MBNL1: variants seen among roughly 807,000 people sequenced by gnomAD.
The protein encoded by MBNL1 is muscleblind like splicing regulator 1, also known as muscleblind-like protein 1.
Under a neutral mutation model 42.2 loss-of-function variants are expected in MBNL1, and 8 were observed. The observed-to-expected ratio is 0.19, with a 90% CI of 0.11 to 0.34. MBNL1 has a LOEUF of 0.34. Among genes scored for constraint, MBNL1 ranks in the 10% least tolerant of loss-of-function variants. MBNL1 has a pLI of 1.00. For synonymous variants in MBNL1, 169 were observed against 173.9 expected, an observed-to-expected ratio of 0.97 and a Z score of 0.22; for missense variants, 309 against 495.3, an observed-to-expected ratio of 0.62 and a Z score of 3.57.
chr3:152,264,672 T>C (rs1249202463), upstream of MBNL1: 5 of 152,168 alleles, frequency 3.3e-5, no homozygotes, highest in African/African-American at 1.2e-4. Flanking sequence ...ATGCTAAAAT[T>C]CTATGATTTT....
intron 3 of MBNL1, among the ~76,000 whole-genome samples, chr3:152,419,456 C>T (rs1177834919): frequency 6.6e-6 from 1 of 152,140 alleles, no homozygotes; most frequent in African/African-American, 2.4e-5. Flanking sequence ...TGTCACCTCA[C>T]CCTGGAAGTG....
chr3:152,333,871 A>C (rs2087240088), intron 2 of MBNL1, among the ~76,000 whole-genome samples: 1 of 152,258 alleles, frequency 6.6e-6, no homozygotes, highest in Admixed American at 6.5e-5. Flanking sequence ...TTTTAATGAA[A>C]TAATTTAGAG....
At chr3:152,368,419 T>TA (rs1161135653) in intron 2 of MBNL1, among the ~76,000 whole-genome samples, 3 of 152,226 alleles carry the variant, frequency 2.0e-5, no homozygotes, top group Admixed American at 6.5e-5. Flanking sequence ...TGTAGCCTTG[T>TA]AGTACAGTTT....
chr3:152,378,938 A>G (rs953705769), intron 2 of MBNL1, among the ~76,000 whole-genome samples: 1 of 151,414 alleles, frequency 6.6e-6, no homozygotes, highest in African/African-American at 2.4e-5. Flanking sequence ...CTGGTCTCAC[A>G]CTCCTGGGCT....
intron 2 of MBNL1, among the ~76,000 whole-genome samples, chr3:152,301,187 G>A (rs1017412714): frequency 6.6e-6 from 1 of 152,094 alleles, no homozygotes; most frequent in Non-Finnish European, 1.5e-5. Context: ...ATTCAAAAAT[G>A]TCATTGGATT....
At chr3:152,340,645 A>G (rs2152822368) in intron 2 of MBNL1, 1 of 1,614,012 alleles carries the variant, frequency 6.2e-7, no homozygotes, top group Non-Finnish European at 8.5e-7. Context: ...ACAAGCGTAA[A>G]TGTTCCAGAG....
intron 4 of MBNL1, among the ~76,000 whole-genome samples, chr3:152,439,052 C>A (rs569015898): frequency 6.6e-6 from 1 of 152,150 alleles, no homozygotes; most frequent in Non-Finnish European, 1.5e-5. Context: ...GGTGGGCAAA[C>A]GACTTGGTTT....
intron 2 of MBNL1, among the ~76,000 whole-genome samples, chr3:152,249,643 T>C (rs2034138171): frequency 1.3e-5 from 2 of 151,238 alleles, no homozygotes; most frequent in African/African-American, 2.4e-5. Flanking sequence ...TTTGTCAATT[T>C]TGGCTTTTGT....
intron 4 of MBNL1, among the ~76,000 whole-genome samples, chr3:152,442,413 A>G (rs1457235847): frequency 6.6e-6 from 1 of 152,240 alleles, no homozygotes; most frequent in East Asian, 1.9e-4. Flanking sequence ...ATTATTTTTA[A>G]AAATGTGTGC....
At chr3:152,449,175 T>TTA (rs1716612067) in intron 6 of MBNL1, 2 of 152,344 alleles carry the variant, frequency 1.3e-5, no homozygotes, top group South Asian at 4.1e-4. Context: ...TTTCAAGGGA[T>TTA]TATATGTAAC....
chr3:152,369,874 T>C (rs568361393), intron 2 of MBNL1, among the ~76,000 whole-genome samples: 2 of 152,348 alleles, frequency 1.3e-5, no homozygotes, highest in East Asian at 3.9e-4. Flanking sequence ...TATCATTTTT[T>C]ATTGTGTCTA....
intron 2 of MBNL1, among the ~76,000 whole-genome samples, chr3:152,246,260 G>A (rs1044238302): frequency 6.6e-5 from 10 of 152,078 alleles, no homozygotes; most frequent in Non-Finnish European, 5.9e-5. Flanking sequence ...AGCCCAAGGA[G>A]ATTACAATAT....
At chr3:152,361,312 C>G (rs2095924036) in intron 2 of MBNL1, among the ~76,000 whole-genome samples, 1 of 151,580 alleles carries the variant, frequency 6.6e-6, no homozygotes, top group African/African-American at 2.4e-5. Context: ...CAGTGGAGTT[C>G]CCATGGTTCT....
At chr3:152,374,214 A>C (rs2096799800) in intron 2 of MBNL1, among the ~76,000 whole-genome samples, 1 of 152,234 alleles carries the variant, frequency 6.6e-6, no homozygotes, top group African/African-American at 2.4e-5. Context: ...ATTATTTGCA[A>C]ATCATCTACT....
intron 2 of MBNL1, among the ~76,000 whole-genome samples, chr3:152,377,317 C>G (rs2096952893): frequency 6.6e-6 from 1 of 152,174 alleles, no homozygotes; most frequent in Non-Finnish European, 1.5e-5. Context: ...GTCCTCTATA[C>G]TGTCTGCAGA....
At position 152,412,417 on chromosome 3, in the gene MBNL1, G is replaced by A. The variant is rs142724853; in HGVS notation, c.175-2524G>A. ...CTCAAACCTGTGGTCACAGCTCTCTGTGGGAGAGTCTTGGTAGTCTGTATA... is the reference window on the plus strand; with the variant it reads ...CTCAAACCTGTGGTCACAGCTCTCTATGGGAGAGTCTTGGTAGTCTGTATA... On this transcript the variant is annotated intron_variant, in intron 2 of 9. Transcript: ENST00000324210. Among the ~76,000 whole-genome samples, 603 of 152,228 alleles carry A rather than the reference G, an allele frequency of 4.0e-3. 4 individuals are homozygous for A. Among genetic ancestry groups the A allele is most frequent in the African/African-American group, 0.014 (566 of 41,542 alleles).
chr3:152,269,387 G>C (rs1173706154), intron 1 of MBNL1: 3 of 364,704 alleles, frequency 8.2e-6, no homozygotes, highest in East Asian at 8.3e-5. Flanking sequence ...GGGAGAAACA[G>C]GGGGGCGAGA....
At chr3:152,379,037 G>A (rs987772830) in intron 2 of MBNL1, among the ~76,000 whole-genome samples, 7 of 152,076 alleles carry the variant, frequency 4.6e-5, no homozygotes, top group African/African-American at 1.7e-4. Context: ...ATGTATGTTT[G>A]TAGTAGACTG....
chr3:152,418,865 C>T (rs553735544), intron 3 of MBNL1, among the ~76,000 whole-genome samples: 12 of 151,818 alleles, frequency 7.9e-5, no homozygotes, highest in South Asian at 2.1e-4. Flanking sequence ...TACAGGCGCC[C>T]GCCCCCGTGC....
Sources: gnomAD v4.1 joint callset for allele counts (sites outside exome capture counted in the v4.1 genomes callset) on GRCh38, gnomAD v4.1.1 for gene constraint, MANE v1.5 for transcripts, NCBI Gene and HGNC (gene_info 2026-07-23, HGNC 2026-07-21) for gene names.